Variants in ATP8A1 observed in about 807,000 individuals in gnomAD.
The protein encoded by ATP8A1 is ATPase phospholipid transporting 8A1.
Under a neutral mutation model 177.7 loss-of-function variants are expected in ATP8A1, and 90 were observed. The observed-to-expected ratio is 0.51, with a 90% CI of 0.43 to 0.60. The LOEUF is 0.60. Among genes scored for constraint, ATP8A1 ranks in the 20% least tolerant of loss-of-function variants. ATP8A1 has a pLI of 0.00. For missense variants in ATP8A1, 1,072 were observed against 1,392.8 expected (o/e 0.77, Z 3.67); for synonymous variants, 493 against 485.9 (o/e 1.01, Z -0.19).
intron 5 of ATP8A1, among the ~76,000 whole-genome samples, chr4:42,605,856 T>C (rs1376248445): frequency 6.6e-6 from 1 of 152,218 alleles, no homozygotes; most frequent in African/African-American, 2.4e-5. Flanking sequence ...AAGAAACTTT[T>C]AAATACATAT....
At chr4:42,656,687 C>A (rs1444331105) in intron 1 of ATP8A1, 138 bp downstream of exon 1, 8 of 1,023,814 alleles carry the variant, frequency 7.8e-6, no homozygotes, top group Non-Finnish European at 1.1e-5. Flanking sequence ...GGGAAGGGTC[C>A]CCTAGGGGCC....
intron 5 of ATP8A1, 97 bp from the exon 6 acceptor site, chr4:42,600,615 A>G: frequency 9.1e-7 from 1 of 1,094,526 alleles, no homozygotes; most frequent in South Asian, 1.6e-5. Context: ...CTTCAGTCAA[A>G]ATAACTAGTA....
At chr4:42,601,650 T>G (rs1489137106) in intron 5 of ATP8A1, among the ~76,000 whole-genome samples, 1 of 152,136 alleles carries the variant, frequency 6.6e-6, no homozygotes, top group Non-Finnish European at 1.5e-5. Flanking sequence ...ATCAACAAAT[T>G]ATCCAGATGT....
At chr4:42,414,354 G>A (rs909836185) in intron 36 of ATP8A1, among the ~76,000 whole-genome samples, 7 of 152,118 alleles carry the variant, frequency 4.6e-5, no homozygotes, top group African/African-American at 1.7e-4. Context: ...AAGATTTACT[G>A]GCTTTAAAGA....
chr4:42,626,838 T>G (rs1036773583), intron 2 of ATP8A1, 157 bp downstream of exon 2: 1 of 652,574 alleles, frequency 1.5e-6, no homozygotes, highest in African/African-American at 1.8e-5. Flanking sequence ...TATTTCTCTA[T>G]GGGAGAGAAG....
intron 32 of ATP8A1, 48 bp downstream of exon 32, chr4:42,444,529 TG>T: frequency 1.3e-6 from 2 of 1,550,994 alleles, no homozygotes; most frequent in Non-Finnish European, 1.8e-6. Flanking sequence ...CTGGAGATAA[TG>T]CACAAGTAAA....
At chr4:42,590,963 A>C in intron 6 of ATP8A1, 79 bp from the exon 7 acceptor site, 1 of 1,251,136 alleles carries the variant, frequency 8.0e-7, no homozygotes, top group African/African-American at 1.5e-5. Flanking sequence ...AAATGGACAA[A>C]AGAGACAGAA....
At chr4:42,604,115 A>G (rs939582130) in intron 5 of ATP8A1, among the ~76,000 whole-genome samples, 2 of 151,752 alleles carry the variant, frequency 1.3e-5, no homozygotes, top group African/African-American at 2.4e-5. Context: ...ACATGTTTCC[A>G]TGCCTAGAAT....
At chr4:42,514,426 G>C (rs573791301) in intron 22 of ATP8A1, among the ~76,000 whole-genome samples, 2 of 152,296 alleles carry the variant, frequency 1.3e-5, no homozygotes, top group African/African-American at 4.8e-5. Flanking sequence ...GAGATCTAAG[G>C]AAATCTTAAG....
intron 6 of ATP8A1, among the ~76,000 whole-genome samples, chr4:42,594,975 CT>C (rs1323630851): frequency 2.6e-5 from 4 of 152,060 alleles, no homozygotes; most frequent in African/African-American, 9.7e-5. Flanking sequence ...TTTTCTGAGC[CT>C]GGCATAAAGA....
chr4:42,485,342 C>A (rs1278999497), intron 25 of ATP8A1, among the ~76,000 whole-genome samples, 154 bp downstream of exon 25: 1 of 152,164 alleles, frequency 6.6e-6, no homozygotes, highest in African/African-American at 2.4e-5. Context: ...CTAACAAATT[C>A]CATCCCAGTT....
At chr4:42,467,977 C>T (rs1160347136) in intron 25 of ATP8A1, among the ~76,000 whole-genome samples, 1 of 152,210 alleles carries the variant, frequency 6.6e-6, no homozygotes, top group South Asian at 2.1e-4. Context: ...CTGACTGATC[C>T]TTTTGCTGTG....
chr4:42,636,156 A>ACACGCGCGGGCGCGCGCG (rs565139270), intron 1 of ATP8A1, among the ~76,000 whole-genome samples: 2 of 90,960 alleles, frequency 2.2e-5, no homozygotes, highest in Non-Finnish European at 2.6e-5. Flanking sequence ...ACACACACAC[A>ACACGCGCGGGCGCGCGCG]CGCACACACA....
intron 15 of ATP8A1, among the ~76,000 whole-genome samples, chr4:42,556,493 TAAG>T (rs576064722): frequency 3.0e-4 from 46 of 152,266 alleles, no homozygotes; most frequent in African/African-American, 1.1e-3. Flanking sequence ...ATATGAAATA[TAAG>T]AACATGAATA....
At chr4:42,568,797 A>T (rs1420659902) in intron 15 of ATP8A1, among the ~76,000 whole-genome samples, 1 of 152,152 alleles carries the variant, frequency 6.6e-6, no homozygotes, top group Non-Finnish European at 1.5e-5. Flanking sequence ...TGTAAAGTAC[A>T]TAAGTAGCGG....
At chr4:42,549,760 C>T (rs576724595) in intron 18 of ATP8A1, among the ~76,000 whole-genome samples, 46 of 152,026 alleles carry the variant, frequency 3.0e-4, no homozygotes, top group Non-Finnish European at 6.0e-4. Context: ...GACTGCACCA[C>T]TGCACTCCAG....
At chr4:42,469,783 TTACTC>T (rs772937306) in intron 25 of ATP8A1, among the ~76,000 whole-genome samples, 8 of 152,328 alleles carry the variant, frequency 5.3e-5, no homozygotes, top group Admixed American at 1.3e-4. Flanking sequence ...TGTTAAAAGA[TTACTC>T]TACTCAGAGT....
chr4:42,434,601 C>G (rs1445213327), intron 33 of ATP8A1, among the ~76,000 whole-genome samples: 1 of 152,212 alleles, frequency 6.6e-6, no homozygotes, highest in Non-Finnish European at 1.5e-5. Context: ...GATGCAATCA[C>G]TTTGGTCCTT....
intron 30 of ATP8A1, among the ~76,000 whole-genome samples, chr4:42,451,083 T>C (rs1459643495): frequency 6.6e-6 from 1 of 152,152 alleles, no homozygotes; most frequent in Non-Finnish European, 1.5e-5. Context: ...GATTTTGTTC[T>C]AAGTATGCTA....
Sources: gnomAD v4.1 joint callset for allele counts (sites outside exome capture counted in the v4.1 genomes callset) on GRCh38, gnomAD v4.1.1 for gene constraint, MANE v1.5 for transcripts, NCBI Gene and HGNC (gene_info 2026-07-23, HGNC 2026-07-21) for gene names.